Variants in FBXL7 observed in about 807,000 individuals in gnomAD.
The protein encoded by FBXL7 is F-box/LRR-repeat protein 7.
In FBXL7, 12 loss-of-function variants were observed where a neutral mutation model predicts 38.3. The ratio of observed to expected loss-of-function variants is 0.31; its 90% CI spans 0.20 to 0.51. The LOEUF is 0.51. FBXL7 is among the 20% of genes least tolerant of loss of function. FBXL7 has a pLI of 0.98. For synonymous variants in FBXL7, 297 were observed against 300.9 expected (o/e 0.99, Z 0.13); for missense variants, 567 against 676.4 (o/e 0.84, Z 1.79).
intron 3 of FBXL7, among the ~76,000 whole-genome samples, chr5:15,934,759 C>T (rs1742132885): frequency 6.6e-6 from 1 of 152,250 alleles, no homozygotes; most frequent in South Asian, 2.1e-4. Flanking sequence ...TCATCTGATC[C>T]TCTTATGGAA....
rs185141011 is a variant in FBXL7, at chr5:15,524,627, A to G, written c.37+23914A>G. On this transcript the variant is annotated intron_variant, in intron 1 of 3. Transcript: ENST00000504595. ...TTTTATTCATTGGTGATAGCTTGGA[A>G]CAATAAATCATGCTGTTACATTAAT... Among the ~76,000 whole-genome samples the G allele has an allele frequency of 2.3e-3, 349 of 152,320 alleles. 2 individuals carry two copies. Among genetic ancestry groups the G allele is most frequent in the Non-Finnish European group, 1.3e-3 (88 of 68,026 alleles).
rs1742240080 is a variant in FBXL7 at position 15,937,738 on chromosome 5, C to G, written c.*552C>G. On this transcript the variant is annotated 3_prime_UTR_variant, in exon 4 of 4. Coordinates refer to ENST00000504595, the MANE Select transcript of FBXL7 (RefSeq NM_012304.5). ...TGCATAGGCAAAATACTTTTCAGGC[C>G]TTTTTAAAAAATTCATTACAGCAAA... 1 of 152,852 alleles carries G rather than the reference C, an allele frequency of 6.5e-6. No individual in the cohort carries two copies. The highest frequency in any genetic ancestry group is 2.1e-4 in the South Asian group (1 of 4,846). 9.5% of individuals were successfully genotyped at this position (152,852 alleles called of 1,614,324 possible).
chr5:15,556,133 A>G (rs1370414741), intron 1 of FBXL7, among the ~76,000 whole-genome samples: 1 of 151,896 alleles, frequency 6.6e-6, no homozygotes, highest in Non-Finnish European at 1.5e-5. Flanking sequence ...ATCAATTGAC[A>G]TATAGAAGGA....
At chr5:15,918,994 A>G (rs1291671268) in intron 2 of FBXL7, among the ~76,000 whole-genome samples, 3 of 152,256 alleles carry the variant, frequency 2.0e-5, no homozygotes, top group Non-Finnish European at 4.4e-5. Context: ...ATTTTTAAGT[A>G]AAACAAGAAG....
At chr5:15,734,998 C>G (rs1735708801) in intron 2 of FBXL7, among the ~76,000 whole-genome samples, 1 of 152,174 alleles carries the variant, frequency 6.6e-6, no homozygotes, top group East Asian at 1.9e-4. Context: ...AGGGCATGAT[C>G]TTGGCTCACT....
At chr5:15,559,341 G>C (rs2126434572) in intron 1 of FBXL7, among the ~76,000 whole-genome samples, 1 of 152,242 alleles carries the variant, frequency 6.6e-6, no homozygotes. Flanking sequence ...AGCTCACAAT[G>C]AAAAATAATA....
chr5:15,783,041 T>C (rs560581875), intron 2 of FBXL7, among the ~76,000 whole-genome samples: 1 of 151,822 alleles, frequency 6.6e-6, no homozygotes, highest in African/African-American at 2.4e-5. Context: ...AGAGAGCGGG[T>C]AGGAAGTTGG....
chr5:15,888,434 G>A (rs1054720447), intron 2 of FBXL7, among the ~76,000 whole-genome samples: 18 of 152,024 alleles, frequency 1.2e-4, no homozygotes, highest in Admixed American at 4.6e-4. Context: ...TCACCGTGTT[G>A]GCCAGGCTGG....
At chr5:15,829,286 G>A (rs1738392945) in intron 2 of FBXL7, among the ~76,000 whole-genome samples, 1 of 152,050 alleles carries the variant, frequency 6.6e-6, no homozygotes, top group Non-Finnish European at 1.5e-5. Context: ...CAGCTCATTG[G>A]TTACAGCTTC....
intron 1 of FBXL7, chr5:15,501,521 A>C: frequency 2.0e-6 from 2 of 985,566 alleles, no homozygotes; most frequent in Non-Finnish European, 2.4e-6. Flanking sequence ...TTCAAAAGTT[A>C]AGAAGGTTTG....
chr5:15,750,477 G>T (rs989113808), intron 2 of FBXL7, among the ~76,000 whole-genome samples: 7 of 152,180 alleles, frequency 4.6e-5, no homozygotes, highest in Admixed American at 3.3e-4. Context: ...AGTGTAAAGG[G>T]AAGCATGTTA....
At chr5:15,589,186 G>A (rs2126478006) in intron 1 of FBXL7, among the ~76,000 whole-genome samples, 1 of 152,244 alleles carries the variant, frequency 6.6e-6, no homozygotes, top group East Asian at 1.9e-4. Flanking sequence ...ATTTCTGCCT[G>A]GACACTGTGG....
In FBXL7 at chr5:15,937,467, C is replaced by T; in HGVS notation, c.*281C>T. 2.6e-6 allele frequency: 1 copy of T among 380,714 alleles called. No homozygotes were observed. The allele number at this position is 380,714 out of a possible 1,614,324, so 23.6% of individuals were successfully genotyped here. On this transcript the variant is annotated 3_prime_UTR_variant, in exon 4 of 4. Transcript: ENST00000504595. The stretch of plus-strand genomic sequence containing the variant: ...AGCAGGCTGATCGCTGTTCCTTGAG[C>T]AAGGCGCTTACTCTCCTCCGCTCAG...
intron 2 of FBXL7, among the ~76,000 whole-genome samples, chr5:15,622,052 G>A (rs997371201): frequency 6.6e-6 from 1 of 151,844 alleles, no homozygotes; most frequent in Non-Finnish European, 1.5e-5. Flanking sequence ...TAGAATATGA[G>A]GTATCATTTT....
chr5:15,749,427 C>T (rs1382723430), intron 2 of FBXL7, among the ~76,000 whole-genome samples: 2 of 152,062 alleles, frequency 1.3e-5, no homozygotes, highest in East Asian at 3.9e-4. Context: ...GAGATCGAGA[C>T]AATTCTGGCT....
At position 15,689,577 on chromosome 5, in the gene FBXL7, T is replaced by C. The variant is rs1311253355; in HGVS notation, c.127+73505T>C. On this transcript the variant is annotated intron_variant, in intron 2 of 3. Coordinates refer to ENST00000504595, the MANE Select transcript of FBXL7 (RefSeq NM_012304.5). The stretch of plus-strand genomic sequence containing the variant: ...ACTGTGTGCCTCAGTTTCTTATCTA[T>C]AAAATAGAAAAATAATAATAGTGCC... Among the ~76,000 whole-genome samples, 4 of 152,142 alleles carry C rather than the reference T, an allele frequency of 2.6e-5. No individual in the cohort carries two copies. The South Asian group carries it at 8.3e-4, about 31-fold the overall frequency.
rs73752379 is a variant in FBXL7, at chr5:15,901,580, C to T, written c.128-26310C>T. On this transcript the variant is annotated intron_variant, in intron 2 of 3. Coordinates refer to ENST00000504595, the MANE Select transcript of FBXL7 (RefSeq NM_012304.5). ...AAATTAATAATCCATAATTTACTTCCCTACAAGATTCTAAGTGACCCACAA... is the reference window on the plus strand; with the variant it reads ...AAATTAATAATCCATAATTTACTTCTCTACAAGATTCTAAGTGACCCACAA... Among the ~76,000 whole-genome samples the T allele has an allele frequency of 6.2e-3, 937 of 152,262 alleles. 16 individuals are homozygous for T. The highest frequency in any genetic ancestry group is 0.021 in the African/African-American group (886 of 41,542).
chr5:15,615,931 T>G (rs1580408851), intron 1 of FBXL7, 52 bp from the exon 2 acceptor site: 1 of 1,258,986 alleles, frequency 7.9e-7, no homozygotes, highest in Non-Finnish European at 1.2e-6. Context: ...GAAGGCATGG[T>G]CCAGGTCTGA....
At chr5:15,557,956 A>G (rs1214272165) in intron 1 of FBXL7, among the ~76,000 whole-genome samples, 1 of 152,242 alleles carries the variant, frequency 6.6e-6, no homozygotes, top group Non-Finnish European at 1.5e-5. Context: ...AGGCAAATTC[A>G]TAGAGACAAA....
Sources: gnomAD v4.1 joint callset for allele counts (sites outside exome capture counted in the v4.1 genomes callset) on GRCh38, gnomAD v4.1.1 for gene constraint, MANE v1.5 for transcripts, NCBI Gene and HGNC (gene_info 2026-07-23, HGNC 2026-07-21) for gene names.